Variants in CNTN6 observed in about 807,000 individuals in gnomAD.
The protein encoded by CNTN6 is contactin 6, also known as contactin-6.
Under a neutral mutation model 122.8 loss-of-function variants are expected in CNTN6, and 137 were observed. That is an observed-to-expected ratio of 1.12 (90% CI 0.97 to 1.29). The LOEUF is 1.29. CNTN6 is among the 50% of genes most tolerant of loss of function. The pLI is 0.00. For synonymous variants in CNTN6, 570 were observed against 426.0 expected, an observed-to-expected ratio of 1.34 and a Z score of -4.16; for missense variants, 1,634 against 1,223.4, an observed-to-expected ratio of 1.34 and a Z score of -5.01.
At chr3:1,216,473 T>G (rs894167251) in intron 2 of CNTN6, among the ~76,000 whole-genome samples, 7 of 152,364 alleles carry the variant, frequency 4.6e-5, no homozygotes, top group African/African-American at 1.4e-4. Context: ...TCTGTTTGTC[T>G]GTTATTTGTA....
chr3:1,173,064 G>A (rs149542320), intron 2 of CNTN6: 5 of 372,672 alleles, frequency 1.3e-5, no homozygotes, highest in Non-Finnish European at 2.7e-5. Flanking sequence ...CTGACTCAGC[G>A]CCATTGCCCA....
At chr3:1,200,771 G>T (rs556697494) in intron 2 of CNTN6, among the ~76,000 whole-genome samples, 4 of 152,222 alleles carry the variant, frequency 2.6e-5, no homozygotes, top group African/African-American at 9.6e-5. Context: ...ATAACTTCAT[G>T]TCACTTTGGT....
chr3:1,242,599 G>A (rs925306691), intron 4 of CNTN6, among the ~76,000 whole-genome samples: 1 of 152,162 alleles, frequency 6.6e-6, no homozygotes, highest in South Asian at 2.1e-4. Context: ...GGATGGTAAT[G>A]GGCATGTGAT....
rs553723569 is a variant in CNTN6 at position 1,340,125 on chromosome 3, A to G, written c.1364+10190A>G. ...AGAAGTTCAGCATCATACCGCGATCAGTAAGTGATAGAAAAACATTCAGTT... is the reference window on the plus strand; with the variant it reads ...AGAAGTTCAGCATCATACCGCGATCGGTAAGTGATAGAAAAACATTCAGTT... On this transcript the variant is annotated intron_variant, in intron 11 of 22. Coordinates refer to ENST00000446702, the MANE Select transcript of CNTN6 (RefSeq NM_001289080.2). 2.6e-5 allele frequency among the ~76,000 whole-genome samples: 4 copies of G among 152,286 alleles called. No individual in the cohort carries two copies. In the East Asian group the frequency reaches 7.7e-4, roughly 29 times the overall value.
chr3:1,389,709 A>C (rs1259033618), intron 20 of CNTN6, among the ~76,000 whole-genome samples: 1 of 151,474 alleles, frequency 6.6e-6, no homozygotes, highest in Non-Finnish European at 1.5e-5. Context: ...AAAAGGATGG[A>C]GGAAGATCTA....
chr3:1,115,103 A>G (rs1315775332), intron 1 of CNTN6, among the ~76,000 whole-genome samples: 1 of 152,208 alleles, frequency 6.6e-6, no homozygotes, highest in Non-Finnish European at 1.5e-5. Flanking sequence ...GAAAGCTGGG[A>G]GTTTATATGA....
At chr3:1,235,716 T>C (rs2094412677) in intron 4 of CNTN6, among the ~76,000 whole-genome samples, 1 of 152,058 alleles carries the variant, frequency 6.6e-6, no homozygotes. Context: ...CACAAACCCT[T>C]TGAAAGAACT....
Position 1,327,497 on chromosome 3 carries a change from T to A in CNTN6, c.1124T>A (p.Met375Lys). The change falls in exon 10 of 23, where the codon ATG becomes AAG. Residue 375 changes from methionine (M) to lysine (K), a missense_variant. Coordinates refer to ENST00000446702, the MANE Select transcript of CNTN6 (RefSeq NM_001289080.2). ...QIENGTLIIT[M>K]LNVSDSGVYQ... is the part of the protein sequence containing the mutation. ...GAAAATGGGACACTCATCATAACGATGCTGAATGTGTCAGATTCTGGTGTG... is the reference window on the plus strand; with the variant it reads ...GAAAATGGGACACTCATCATAACGAAGCTGAATGTGTCAGATTCTGGTGTG... 6.2e-7 allele frequency: 1 copy of A among 1,611,072 alleles called. No individual in the cohort carries two copies. The highest frequency in any genetic ancestry group is 2.2e-5 in the East Asian group (1 of 44,690).
intron 1 of CNTN6, among the ~76,000 whole-genome samples, chr3:1,119,156 T>G (rs552005287): frequency 2.9e-4 from 44 of 152,180 alleles, no homozygotes; most frequent in African/African-American, 1.0e-3. Flanking sequence ...AGTCTGCATT[T>G]TTTAAGTGAA....
intron 2 of CNTN6, among the ~76,000 whole-genome samples, chr3:1,156,088 A>G (rs1279896525): frequency 6.6e-6 from 1 of 152,076 alleles, no homozygotes; most frequent in South Asian, 2.1e-4. Context: ...ACTCTCCTTC[A>G]TGTATCCTTT....
chr3:1,386,475 T>G (rs1466049031), intron 20 of CNTN6, among the ~76,000 whole-genome samples: 2 of 152,186 alleles, frequency 1.3e-5, no homozygotes, highest in East Asian at 1.9e-4. Context: ...AGATGAATGT[T>G]TTTCATCTTT....
intron 2 of CNTN6, among the ~76,000 whole-genome samples, chr3:1,163,305 A>G (rs1161633651): frequency 1.3e-5 from 2 of 152,160 alleles, no homozygotes; most frequent in Non-Finnish European, 2.9e-5. Flanking sequence ...ATTATTATCA[A>G]GAGCATCACT....
chr3:1,315,431 G>A (rs1403762722), intron 7 of CNTN6, among the ~76,000 whole-genome samples: 2 of 151,888 alleles, frequency 1.3e-5, no homozygotes, highest in African/African-American at 4.8e-5. Context: ...GGAACTCTAA[G>A]TGGAGGAGAA....
At chr3:1,184,609 C>A (rs2125353467) in intron 2 of CNTN6, among the ~76,000 whole-genome samples, 1 of 152,172 alleles carries the variant, frequency 6.6e-6, no homozygotes, top group South Asian at 2.1e-4. Context: ...AAATACTAAA[C>A]AAACTGAAGC....
chr3:1,227,938 G>T lies in CNTN6; in HGVS notation c.303G>T (p.Leu101=). The T allele has an allele frequency of 6.2e-7, 1 of 1,613,936 alleles. No homozygotes were observed. Among genetic ancestry groups the T allele is most frequent in the Non-Finnish European group, 8.5e-7 (1 of 1,179,916 alleles). Residue 101 remains leucine, a synonymous_variant, in exon 4 of 23, where the codon CTG becomes CTT. Coordinates refer to ENST00000446702, the MANE Select transcript of CNTN6 (RefSeq NM_001289080.2). ...TDQDIGMYQC[L]ATNLLGTILS... is the part of the protein sequence containing the mutation. Reference sequence around the variant, plus strand: ...AAGATATTGGCATGTACCAGTGCCTGGCCACCAATCTTCTGGGGACAATTC... The same window carrying T: ...AAGATATTGGCATGTACCAGTGCCTTGCCACCAATCTTCTGGGGACAATTC...
chr3:1,275,260 T>G (rs1692126763), intron 4 of CNTN6, among the ~76,000 whole-genome samples: 3 of 152,184 alleles, frequency 2.0e-5, no homozygotes. Context: ...TCTCATCTCT[T>G]ACTCATAGCC....
chr3:1,109,407 A>T (rs2125008867), intron 1 of CNTN6, among the ~76,000 whole-genome samples: 1 of 152,208 alleles, frequency 6.6e-6, no homozygotes, highest in African/African-American at 2.4e-5. Flanking sequence ...TTTACAATTT[A>T]CCAAGGCAAA....
chr3:1,267,655 T>C (rs182072628), intron 4 of CNTN6, among the ~76,000 whole-genome samples: 11 of 152,294 alleles, frequency 7.2e-5, no homozygotes, highest in Admixed American at 7.2e-4. Flanking sequence ...GAGTTTATAG[T>C]GTCGAATCCA....
chr3:1,268,622 A>G (rs938304795), intron 4 of CNTN6, among the ~76,000 whole-genome samples: 5 of 151,510 alleles, frequency 3.3e-5, no homozygotes, highest in African/African-American at 1.2e-4. Context: ...AAAAAAAAAA[A>G]AATACAGTGT....
Sources: gnomAD v4.1 joint callset for allele counts (sites outside exome capture counted in the v4.1 genomes callset) on GRCh38, gnomAD v4.1.1 for gene constraint, MANE v1.5 for transcripts, NCBI Gene and HGNC (gene_info 2026-07-23, HGNC 2026-07-21) for gene names.